TXNRD2: variants seen among roughly 807,000 people sequenced by gnomAD.
TXNRD2 encodes thioredoxin reductase 2.
In TXNRD2, 67 loss-of-function variants were observed where a neutral mutation model predicts 70.8. The observed-to-expected ratio is 0.95, with a 90% CI of 0.78 to 1.16. TXNRD2 has a LOEUF of 1.16. TXNRD2 is among the 50% of genes most tolerant of loss of function. The pLI is 0.00. For missense variants in TXNRD2, 644 were observed against 719.9 expected (o/e 0.89, Z 1.21); for synonymous variants, 301 against 295.8 (o/e 1.02, Z -0.18).
intron 8 of TXNRD2, among the ~76,000 whole-genome samples, chr22:19,906,246 G>A (rs775272658): frequency 1.2e-4 from 18 of 152,158 alleles, no homozygotes; most frequent in Non-Finnish European, 1.8e-4. Flanking sequence ...GCTGTGACAC[G>A]AGGCTTTTCA....
At chr22:19,919,033 T>C in intron 3 of TXNRD2, 29 bp from the exon 4 acceptor site, 1 of 1,601,352 alleles carries the variant, frequency 6.2e-7, no homozygotes, top group Non-Finnish European at 8.5e-7. Flanking sequence ...ACATTTGAAT[T>C]TATGTTCAGG....
intron 11 of TXNRD2, among the ~76,000 whole-genome samples, chr22:19,890,279 C>A (rs886948569): frequency 2.6e-5 from 4 of 152,204 alleles, no homozygotes; most frequent in African/African-American, 9.7e-5. Context: ...CTTGGCCCCA[C>A]TTCAAAAAAT....
intron 4 of TXNRD2, 91 bp downstream of exon 4, chr22:19,918,769 C>T (rs1013901980): frequency 7.2e-6 from 11 of 1,524,564 alleles, no homozygotes; most frequent in Non-Finnish European, 2.7e-6. Context: ...GGCCCACTCC[C>T]CATGAGGGCT....
At position 19,899,045 on chromosome 22, in the gene TXNRD2, A is replaced by G. The variant is rs750349840; in HGVS notation, c.682+4T>C. The stretch of plus-strand genomic sequence containing the variant: ...ACGGCCACCTGCACGCTTGCAAAGG[A>G]TACAGCTGGCCCCGACCACCAACCT... On this transcript the variant is annotated splice_donor_region_variant and intron_variant, in intron 9 of 17. Coordinates refer to ENST00000400521, the MANE Select transcript of TXNRD2 (RefSeq NM_006440.5). 2.5e-6 allele frequency: 4 copies of G among 1,606,612 alleles called. No homozygotes were observed. Among genetic ancestry groups the G allele is most frequent in the Non-Finnish European group, 1.7e-6 (2 of 1,179,958 alleles).
chr22:19,930,936 G>A lies in TXNRD2; in HGVS notation c.172+94C>T, dbSNP rs762982533. 31 of 1,129,582 alleles carry A rather than the reference G, an allele frequency of 2.7e-5. 1 individual carries two copies. The Admixed American group carries it at 3.6e-4, about 13-fold the overall frequency. The allele number at this position is 1,129,582 out of a possible 1,614,324, so 70.0% of individuals were successfully genotyped here. On this transcript the variant is annotated intron_variant, in intron 2 of 17. Coordinates refer to ENST00000400521, the MANE Select transcript of TXNRD2 (RefSeq NM_006440.5). ...GGGGTGACCCCAGCAGGGAGGCAAC[G>A]CATTTTGCTCATGGACGTTTTCTGG...
chr22:19,913,445 T>G (rs1327513624), intron 7 of TXNRD2, among the ~76,000 whole-genome samples: 1 of 151,596 alleles, frequency 6.6e-6, no homozygotes, highest in African/African-American at 2.4e-5. Context: ...CAAAGAAGAG[T>G]CAGAGTCAGC....
chr22:19,877,012 TCAAA>T, intron 17 of TXNRD2, 24 bp downstream of exon 17: 5 of 1,471,346 alleles, frequency 3.4e-6, no homozygotes, highest in African/African-American at 1.4e-5. Flanking sequence ...TGCCCTGTCC[TCAAA>T]CAGAGCCAGC....
At chr22:19,879,032 T>C (rs1938635150) in intron 14 of TXNRD2, among the ~76,000 whole-genome samples, 1 of 152,282 alleles carries the variant, frequency 6.6e-6, no homozygotes. Flanking sequence ...AGAATATTGT[T>C]CTAACTAAGA....
rs531774665 is a variant in TXNRD2 at position 19,892,407 on chromosome 22, A to G, written c.949+3000T>C. ...CCCTCGGGAAGCAGGGTCAGAGGCC[A>G]AGGACTGTGAAAAGCTTCCACCCCC... is the stretch of plus-strand genomic sequence containing the variant. On this transcript the variant is annotated intron_variant, in intron 11 of 17. Coordinates refer to ENST00000400521, the MANE Select transcript of TXNRD2 (RefSeq NM_006440.5). Among the ~76,000 whole-genome samples the G allele has an allele frequency of 4.8e-4, 73 of 152,394 alleles. No homozygotes were observed. In the South Asian group the frequency reaches 5.6e-3, roughly 12 times the overall value.
chr22:19,933,571 T>C, intron 1 of TXNRD2: 14 of 1,232,238 alleles, frequency 1.1e-5, no homozygotes, highest in Non-Finnish European at 1.4e-5. Flanking sequence ...TGTGCTTATC[T>C]TGGGCAGCTT....
chr22:19,878,333 A>C (rs1335947874), intron 15 of TXNRD2, 33 bp downstream of exon 15: 1 of 1,611,934 alleles, frequency 6.2e-7, no homozygotes, highest in Non-Finnish European at 8.5e-7. Context: ...CCTCCCTCTC[A>C]TCCTCAGCAC....
Position 19,915,239 on chromosome 22 carries a change from C to T in TXNRD2, c.566G>A (p.Gly189Glu). 6.2e-7 allele frequency: 1 copy of T among 1,613,892 alleles called. No individual in the cohort carries two copies. Among genetic ancestry groups the T allele is most frequent in the Non-Finnish European group, 8.5e-7 (1 of 1,179,942 alleles). The part of the protein sequence containing the change: ...LSADHIIIAT[G>E]GRPRYPTHIE... ...GTGCGTGGGGTATCTCGGCCGCCCTCCAGTAGCAATGATGATGTGATCGGC... is the reference window on the plus strand; with the variant it reads ...GTGCGTGGGGTATCTCGGCCGCCCTTCAGTAGCAATGATGATGTGATCGGC... The change falls in exon 7 of 18, where the codon GGA (glycine) becomes GAA (glutamate). Residue 189 changes from glycine (G) to glutamate (E), a missense_variant. Coordinates refer to ENST00000400521, the MANE Select transcript of TXNRD2 (RefSeq NM_006440.5).
chr22:19,898,256 C>G, intron 9 of TXNRD2, 126 bp from the exon 10 acceptor site: 1 of 847,536 alleles, frequency 1.2e-6, no homozygotes, highest in South Asian at 1.4e-5. Flanking sequence ...AGGCTCCCAA[C>G]TCAAGACCCC....
At chr22:19,932,405 T>C in intron 1 of TXNRD2, 1 of 1,612,674 alleles carries the variant, frequency 6.2e-7, no homozygotes, top group Non-Finnish European at 8.5e-7. Flanking sequence ...TCTCAGCCTT[T>C]TTAGCCTGCA....
At chr22:19,902,081 C>T (rs919640529) in intron 8 of TXNRD2, among the ~76,000 whole-genome samples, 1 of 152,116 alleles carries the variant, frequency 6.6e-6, no homozygotes, top group Non-Finnish European at 1.5e-5. Context: ...CCTGTAGTCC[C>T]GGCTACTCGG....
intron 11 of TXNRD2, among the ~76,000 whole-genome samples, chr22:19,892,964 C>T (rs147664612): frequency 6.6e-6 from 1 of 152,352 alleles, no homozygotes; most frequent in Non-Finnish European, 1.5e-5. Flanking sequence ...GCTGACTGAT[C>T]ACCTCCGGGC....
chr22:19,880,846 G>A (rs1251800292), intron 12 of TXNRD2, 129 bp from the exon 13 acceptor site: 3 of 671,714 alleles, frequency 4.5e-6, no homozygotes. Flanking sequence ...CACCGAGCAT[G>A]GTGACGTACA....
At chr22:19,927,675 A>T (rs769267015) in intron 2 of TXNRD2, among the ~76,000 whole-genome samples, 1 of 151,240 alleles carries the variant, frequency 6.6e-6, no homozygotes, top group African/African-American at 2.4e-5. Flanking sequence ...AAAAAAAGAA[A>T]AGAAAGAAAG....
intron 12 of TXNRD2, chr22:19,881,049 C>T: frequency 2.1e-6 from 1 of 480,930 alleles, no homozygotes; most frequent in Non-Finnish European, 3.7e-6. Flanking sequence ...GGAGGGCTGC[C>T]CCATGACCAA....
Sources: allele counts gnomAD v4.1 joint callset (sites outside exome capture counted in the v4.1 genomes callset), GRCh38; gene constraint gnomAD v4.1.1; transcripts MANE v1.5; gene names NCBI Gene and HGNC (gene_info 2026-07-23, HGNC 2026-07-21).